NMUR1: variants seen among roughly 807,000 people sequenced by gnomAD.
The protein encoded by NMUR1 is neuromedin U receptor 1.
In NMUR1, 16 loss-of-function variants were observed where a neutral mutation model predicts 18.8. That is an observed-to-expected ratio of 0.85 (90% confidence interval 0.58 to 1.29). The LOEUF (loss-of-function observed/expected upper bound fraction) is 1.29. Ranked by LOEUF, NMUR1 falls within the 50% of genes most tolerant of loss-of-function variation. The pLI, the probability that NMUR1 is intolerant of heterozygous loss-of-function variation, is 0.00. For missense variants in NMUR1, 529 were observed against 580.3 expected, an observed-to-expected ratio of 0.91 and a Z score of 0.91; for synonymous variants, 258 against 258.2, an observed-to-expected ratio of 1.00 and a Z score of 0.01.
At position 231,523,621 on chromosome 2, in the gene NMUR1, C is replaced by A. The variant is rs1237831912; in HGVS notation, c.*1422G>T. 1 of 163,698 alleles carries A rather than the reference C, an allele frequency of 6.1e-6. No individual in the cohort carries two copies. Among genetic ancestry groups the A allele is most frequent in the Non-Finnish European group, 1.3e-5 (1 of 75,802 alleles). 10.1% of individuals were successfully genotyped at this position (163,698 alleles called of 1,614,324 possible). ...TGGGCATGAGCTAGGAAGCTGTCTG[C>A]AGGGAGAACCCAGACAGACCGACCG... On this transcript the variant is annotated 3_prime_UTR_variant, in exon 3 of 3. Coordinates refer to ENST00000305141, the MANE Select transcript of NMUR1 (RefSeq NM_006056.5).
downstream of NMUR1, among the ~76,000 whole-genome samples, chr2:231,521,959 TTC>T (rs1408511538): frequency 2.3e-5 from 3 of 128,196 alleles, no homozygotes; most frequent in East Asian, 6.9e-4. Flanking sequence ...AGGGGCACCC[TTC>T]TTTTTTTTTC....
chr2:231,520,707 G>T (rs1250678882), downstream of NMUR1, among the ~76,000 whole-genome samples: 4 of 152,196 alleles, frequency 2.6e-5, no homozygotes, highest in Non-Finnish European at 5.9e-5. Flanking sequence ...TAGGGAAAGG[G>T]GAAGACTTGG....
intron 2 of NMUR1, among the ~76,000 whole-genome samples, chr2:231,527,104 C>T (rs951627845): frequency 6.6e-5 from 10 of 152,130 alleles, no homozygotes; most frequent in African/African-American, 2.4e-4. Flanking sequence ...CCCTCCTCCC[C>T]TTCTCTGGGG....
chr2:231,527,468 C>T (rs1263016009), intron 2 of NMUR1, among the ~76,000 whole-genome samples: 1 of 152,006 alleles, frequency 6.6e-6, no homozygotes, highest in Non-Finnish European at 1.5e-5. Context: ...CATAGTGAGA[C>T]CCCGTCTCTA....
Position 231,524,808 on chromosome 2 carries a change from T to A in NMUR1, c.*235A>T. 2.2e-6 allele frequency: 1 copy of A among 464,120 alleles called. No homozygotes were observed. The highest frequency in any genetic ancestry group is 5.1e-5 in the South Asian group (1 of 19,522). 28.8% of individuals were successfully genotyped at this position (464,120 alleles called of 1,614,324 possible). ...AGGGTAAGGATTTGAACTGGGGGAG[T>A]GGCAGTGGACAGATAAGAAGCACAA... On this transcript the variant is annotated 3_prime_UTR_variant, in exon 3 of 3. Transcript: ENST00000305141.
chr2:231,525,968 GCA>G (rs141246136), intron 2 of NMUR1, among the ~76,000 whole-genome samples: 4 of 142,886 alleles, frequency 2.8e-5, no homozygotes, highest in Non-Finnish European at 4.7e-5. Flanking sequence ...ACACACACAT[GCA>G]CACACACACA....
At chr2:231,527,349 A>G (rs1348423270) in intron 2 of NMUR1, among the ~76,000 whole-genome samples, 1 of 152,252 alleles carries the variant, frequency 6.6e-6, no homozygotes, top group African/African-American at 2.4e-5. Context: ...AGACACGTTA[A>G]TAACCAAAGA....
At chr2:231,526,332 C>T (rs1228961301) in intron 2 of NMUR1, among the ~76,000 whole-genome samples, 2 of 151,812 alleles carry the variant, frequency 1.3e-5, no homozygotes, top group Non-Finnish European at 2.9e-5. Flanking sequence ...TCAAAAAGGA[C>T]GTTGCTCACA....
chr2:231,521,972 TC>T (rs1203947089), downstream of NMUR1, among the ~76,000 whole-genome samples: 6 of 82,124 alleles, frequency 7.3e-5, no homozygotes, highest in African/African-American at 9.1e-5. Context: ...TTTTTTTTTC[TC>T]TTTTTTTTTT....
chr2:231,519,240 C>T (rs2047288563), downstream of NMUR1, among the ~76,000 whole-genome samples: 1 of 152,220 alleles, frequency 6.6e-6, no homozygotes, highest in Non-Finnish European at 1.5e-5. Context: ...AGCTTCCAGG[C>T]TCTCCAGTCT....
intron 2 of NMUR1, among the ~76,000 whole-genome samples, chr2:231,527,586 C>T (rs2125666546): frequency 6.9e-6 from 1 of 145,550 alleles, no homozygotes; most frequent in South Asian, 2.1e-4. Context: ...GTTGAGGCTG[C>T]AGTGAGCCGT....
At chr2:231,520,064 C>G (rs2047292971), downstream of NMUR1, among the ~76,000 whole-genome samples, 1 of 152,146 alleles carries the variant, frequency 6.6e-6, no homozygotes, top group East Asian at 1.9e-4. Flanking sequence ...ATATTACAGA[C>G]TATAGTTTGC....
chr2:231,521,162 G>C (rs556746771), downstream of NMUR1, among the ~76,000 whole-genome samples: 226 of 152,294 alleles, frequency 1.5e-3, 4 homozygotes, highest in African/African-American at 5.0e-3. Context: ...GATTGCTTGA[G>C]CCCAGGAGTT....
At chr2:231,525,550 C>A in intron 2 of NMUR1, 125 bp from the exon 3 acceptor site, 1 of 1,131,996 alleles carries the variant, frequency 8.8e-7, no homozygotes, top group South Asian at 1.6e-5. Context: ...CACCTATCAC[C>A]CAGGTGGAAG....
At chr2:231,525,856 TG>T (rs2047351182) in intron 2 of NMUR1, among the ~76,000 whole-genome samples, 1 of 152,096 alleles carries the variant, frequency 6.6e-6, no homozygotes, top group African/African-American at 2.4e-5. Flanking sequence ...AAAAGAAGAA[TG>T]GGGCACGTGC....
downstream of NMUR1, among the ~76,000 whole-genome samples, chr2:231,520,930 A>C (rs1474765496): frequency 6.6e-6 from 1 of 152,250 alleles, no homozygotes; most frequent in Admixed American, 6.5e-5. Context: ...TTTTCTGAGA[A>C]GGGAAGAATT....
chr2:231,528,363 T>C lies in NMUR1; in HGVS notation c.658A>G (p.Met220Val). Residue 220 changes from methionine to valine, a missense_variant, in exon 2 of 3, where the codon ATG becomes GTG. Physicochemically the swap from Met to Val is conservative, Grantham distance 21. Transcript: ENST00000305141. ...TAGAGGGCCCGTGGGCGGACCAGCA[T>C]GCAAACAGCTGAGTCTGGCACTGGG... The part of the protein sequence containing the change: ...RGPVPDSAVC[M>V]LVRPRALYNM... 2 of 1,613,736 alleles carry C rather than the reference T, an allele frequency of 1.2e-6. No individual in the cohort carries two copies. The highest frequency in any genetic ancestry group is 1.7e-6 in the Non-Finnish European group (2 of 1,179,906).
rs1398842537 is a variant in NMUR1, at chr2:231,530,441, CTG to C, written c.-82_-81del. On this transcript the variant is annotated 5_prime_UTR_variant, in exon 1 of 3. Transcript: ENST00000305141. ...CGCGGCGCGGGAGCCAGTGGACTGA[CTG>C]ACAGCGGCCCCAGCCCGCGCCCCGA... The C allele has an allele frequency of 2.2e-6, 3 of 1,393,932 alleles. No individual in the cohort carries two copies. Among genetic ancestry groups the C allele is most frequent in the Non-Finnish European group, 2.8e-6 (3 of 1,077,136 alleles). The allele number at this position is 1,393,932 out of a possible 1,614,324, so 86.3% of individuals were successfully genotyped here.
rs2047387657 is a variant in NMUR1, at chr2:231,528,878, C to T, written c.143G>A (p.Arg48Lys). Residue 48 changes from arginine (R) to lysine (K), a missense_variant, in exon 2 of 3, where the codon AGA (arginine) becomes AAA (lysine). By Grantham distance (26) the Arg-to-Lys change is conservative (BLOSUM62 2). Coordinates refer to ENST00000305141, the MANE Select transcript of NMUR1 (RefSeq NM_006056.5). ...EDLNLTDEALRLKYLGPQQTE... is the reference protein window; with the variant it reads ...EDLNLTDEALKLKYLGPQQTE... ...CTGCTGGGGCCCCAGGTACTTGAGT[C>T]TCAGTGCCTCGTCAGTCAGGTTCAA... 1 of 1,614,206 alleles carries T rather than the reference C, an allele frequency of 6.2e-7. No individual in the cohort carries two copies. The highest frequency in any genetic ancestry group is 8.5e-7 in the Non-Finnish European group (1 of 1,180,038).
Sources: gnomAD v4.1 joint callset for allele counts (sites outside exome capture counted in the v4.1 genomes callset) on GRCh38, gnomAD v4.1.1 for gene constraint, MANE v1.5 for transcripts, NCBI Gene and HGNC (gene_info 2026-07-23, HGNC 2026-07-21) for gene names.